Variants in EPM2A observed in about 807,000 individuals in gnomAD.
EPM2A encodes the protein laforin.
A neutral mutation model predicts 26.5 loss-of-function variants in EPM2A; 21 were observed. The observed-to-expected ratio is 0.79, with a 90% confidence interval of 0.56 to 1.14. The LOEUF (loss-of-function observed/expected upper bound fraction) is 1.14. Ranked by LOEUF, EPM2A falls within the 50% of genes most tolerant of loss-of-function variation. EPM2A has a pLI of 0.00. For missense variants in EPM2A, 458 were observed against 440.8 expected, an observed-to-expected ratio of 1.04 and a Z score of -0.35; for synonymous variants, 217 against 177.6, an observed-to-expected ratio of 1.22 and a Z score of -1.76.
At chr6:145,511,679 T>G (rs1278370412) in intron 2 of EPM2A, among the ~76,000 whole-genome samples, 1 of 151,844 alleles carries the variant, frequency 6.6e-6, no homozygotes, top group Non-Finnish European at 1.5e-5. Context: ...AAGCTCCAGT[T>G]CTTGTCCCCT....
At chr6:145,710,888 A>G (rs890550091) in intron 1 of EPM2A, among the ~76,000 whole-genome samples, 21 of 148,582 alleles carry the variant, frequency 1.4e-4, no homozygotes, top group Admixed American at 1.3e-3. Flanking sequence ...ACCAAACACC[A>G]CATGTTCTCA....
intron 1 of EPM2A, among the ~76,000 whole-genome samples, chr6:145,700,634 T>C (rs1781861406): frequency 6.6e-6 from 1 of 152,186 alleles, no homozygotes; most frequent in South Asian, 2.1e-4. Flanking sequence ...AGTAGCTATA[T>C]CTCAACAGTG....
chr6:145,392,350 T>A (rs992668836), intron 4 of EPM2A, among the ~76,000 whole-genome samples: 26 of 152,138 alleles, frequency 1.7e-4, no homozygotes, highest in Admixed American at 2.6e-4. Flanking sequence ...TTGACCAGTA[T>A]ATTTAAAAAC....
chr6:145,695,208 G>A (rs1315954368), intron 1 of EPM2A, among the ~76,000 whole-genome samples: 1 of 151,974 alleles, frequency 6.6e-6, no homozygotes, highest in African/African-American at 2.4e-5. Flanking sequence ...TTTGATTAAA[G>A]TTAAGTTGGT....
chr6:145,734,967 C>CTA, intron 1 of EPM2A: 1 of 314,224 alleles, frequency 3.2e-6, no homozygotes, highest in East Asian at 5.3e-5. Context: ...GCCGGGAGCG[C>CTA]TATACGGGTC....
chr6:145,408,803 C>T (rs1466180504), intron 4 of EPM2A, among the ~76,000 whole-genome samples: 9 of 152,148 alleles, frequency 5.9e-5, no homozygotes, highest in Non-Finnish European at 1.3e-4. Flanking sequence ...CCAGCATATT[C>T]AGCATCTGGT....
intron 2 of EPM2A, among the ~76,000 whole-genome samples, chr6:145,541,298 TTG>T (rs944221055): frequency 3.4e-5 from 5 of 146,758 alleles, no homozygotes; most frequent in African/African-American, 1.0e-4. Context: ...AAACACCAAT[TTG>T]TGTGTGTGTG....
At chr6:145,619,639 G>T (rs575315447) in intron 2 of EPM2A, among the ~76,000 whole-genome samples, 1 of 152,110 alleles carries the variant, frequency 6.6e-6, no homozygotes, top group East Asian at 1.9e-4. Context: ...ATGGGGTGGA[G>T]TGGTAATCAT....
chr6:145,438,098 C>CGT (rs1303275284), intron 4 of EPM2A, among the ~76,000 whole-genome samples: 5 of 151,980 alleles, frequency 3.3e-5, no homozygotes, highest in Admixed American at 6.6e-5. Context: ...TGTGTGCACA[C>CGT]GTGTGTGTGT....
At chr6:145,710,769 C>G (rs924251295) in intron 1 of EPM2A, among the ~76,000 whole-genome samples, 2 of 152,100 alleles carry the variant, frequency 1.3e-5, no homozygotes, top group Non-Finnish European at 2.9e-5. Context: ...GGCACATATA[C>G]ACCATGGAAT....
intron 1 of EPM2A, among the ~76,000 whole-genome samples, chr6:145,731,098 T>C (rs1309701326): frequency 6.6e-6 from 1 of 151,912 alleles, no homozygotes; most frequent in Non-Finnish European, 1.5e-5. Flanking sequence ...GAAACTCCAT[T>C]CAACAATAAA....
At chr6:145,438,092 T>C (rs1349297019) in intron 4 of EPM2A, among the ~76,000 whole-genome samples, 1 of 152,218 alleles carries the variant, frequency 6.6e-6, no homozygotes, top group Non-Finnish European at 1.5e-5. Flanking sequence ...TATGTGTGTG[T>C]GCACACGTGT....
chr6:145,660,734 G>A (rs985238513), intron 2 of EPM2A, among the ~76,000 whole-genome samples: 22 of 152,086 alleles, frequency 1.4e-4, no homozygotes, highest in African/African-American at 5.3e-4. Context: ...CCCAGGAGGC[G>A]GAGGTTGCTG....
chr6:145,508,528 C>T (rs955153925), intron 2 of EPM2A, among the ~76,000 whole-genome samples: 16 of 152,020 alleles, frequency 1.1e-4, no homozygotes, highest in Non-Finnish European at 1.8e-4. Flanking sequence ...ATCAATGATA[C>T]ACAATAAACA....
intron 4 of EPM2A, among the ~76,000 whole-genome samples, chr6:145,447,364 T>G (rs948909751): frequency 4.6e-5 from 7 of 152,156 alleles, no homozygotes; most frequent in African/African-American, 1.7e-4. Flanking sequence ...TATTCCATAT[T>G]TTAAATATCT....
At chr6:145,402,120 C>A (rs1427177407) in intron 4 of EPM2A, among the ~76,000 whole-genome samples, 1 of 152,058 alleles carries the variant, frequency 6.6e-6, no homozygotes, top group Non-Finnish European at 1.5e-5. Context: ...TTCTTAATTG[C>A]AAAGAGCTAG....
At chr6:145,415,208 A>G (rs1271702035) in intron 4 of EPM2A, among the ~76,000 whole-genome samples, 1 of 152,248 alleles carries the variant, frequency 6.6e-6, no homozygotes, top group Non-Finnish European at 1.5e-5. Context: ...AACAGAACAC[A>G]TCAAAAGAAA....
chr6:145,453,713 G>T (rs376689133), intron 4 of EPM2A, among the ~76,000 whole-genome samples: 33 of 152,204 alleles, frequency 2.2e-4, no homozygotes, highest in South Asian at 4.2e-4. Flanking sequence ...TAATTCATGA[G>T]TGCTTTTTAT....
At chr6:145,566,358 C>G (rs1199507951) in intron 2 of EPM2A, among the ~76,000 whole-genome samples, 1 of 152,208 alleles carries the variant, frequency 6.6e-6, no homozygotes, top group Non-Finnish European at 1.5e-5. Flanking sequence ...ATATTAACTT[C>G]CCCTCTGGAC....
Sources: gnomAD v4.1 joint callset for allele counts (sites outside exome capture counted in the v4.1 genomes callset) on GRCh38, gnomAD v4.1.1 for gene constraint, MANE v1.5 for transcripts, NCBI Gene and HGNC (gene_info 2026-07-23, HGNC 2026-07-21) for gene names.